The following LTBP1 variants were observed in gnomAD, a reference collection of about 807,000 sequenced individuals.
LTBP1 encodes latent transforming growth factor beta binding protein 1.
In LTBP1, 129 loss-of-function variants were observed where a neutral mutation model predicts 207.6. That is an observed-to-expected ratio of 0.62 (90% CI 0.54 to 0.72). The LOEUF (loss-of-function observed/expected upper bound fraction) is 0.72, where lower values mean the gene tolerates loss of function less well. Among genes scored for constraint, LTBP1 ranks in the 30% least tolerant of loss-of-function variants. The pLI, the probability that LTBP1 is intolerant of heterozygous loss-of-function variation, is 0.00. For missense variants in LTBP1, 2,281 were observed against 2,217.2 expected, an observed-to-expected ratio of 1.03 and a Z score of -0.58; for synonymous variants, 963 against 833.7, an observed-to-expected ratio of 1.16 and a Z score of -2.67.
chr2:33,341,031 A>G (rs2094612332), intron 24 of LTBP1, among the ~76,000 whole-genome samples: 1 of 152,138 alleles, frequency 6.6e-6, no homozygotes, highest in Non-Finnish European at 1.5e-5. Context: ...TTTGAACATA[A>G]AAGTACAATC....
At chr2:33,201,244 T>C (rs1421043482) in intron 7 of LTBP1, among the ~76,000 whole-genome samples, 1 of 152,042 alleles carries the variant, frequency 6.6e-6, no homozygotes, top group East Asian at 1.9e-4. Context: ...CCAACAATGA[T>C]AGACTGGATT....
In LTBP1 at chr2:32,947,428, G is replaced by T. The variant is rs1314794113; in HGVS notation, c.104G>T (p.Gly35Val). 2.5e-5 allele frequency: 36 copies of T among 1,439,780 alleles called. No homozygotes were observed. Among genetic ancestry groups the T allele is most frequent in the Non-Finnish European group, 3.1e-5 (34 of 1,099,022 alleles). 89.2% of individuals were successfully genotyped at this position (1,439,780 alleles called of 1,614,324 possible). ...LRRITYVVHP[G>V]PGLAAGALPL... ...AGGATCACCTACGTGGTGCACCCGG[G>T]CCCCGGCCTGGCAGCCGGCGCCTTG... Residue 35 changes from glycine (G) to valine (V), a missense_variant, in exon 1 of 34, where the codon GGC (glycine) becomes GTC (valine). Around this residue, in one of 3 missense-constraint regions of LTBP1, gnomAD observed 555 missense variants for 491.0 expected, o/e 1.13. Coordinates refer to ENST00000404816, the MANE Select transcript of LTBP1 (RefSeq NM_206943.4).
intron 3 of LTBP1, among the ~76,000 whole-genome samples, chr2:33,041,111 G>A (rs905063318): frequency 6.6e-6 from 1 of 152,154 alleles, no homozygotes; most frequent in African/African-American, 2.4e-5. Flanking sequence ...ACCCAAGCCT[G>A]TGTGACCTCA....
In LTBP1 at chr2:33,110,734, T is replaced by C; in HGVS notation, c.1016T>C (p.Val339Ala). The C allele has an allele frequency of 6.2e-7, 1 of 1,614,036 alleles. No individual in the cohort carries two copies. The highest frequency in any genetic ancestry group is 8.5e-7 in the Non-Finnish European group (1 of 1,179,948). ...SFPLRYVQDQ[V>A]AAPFQLSNHT... ...CCTTTAAGATATGTGCAGGATCAAG[T>C]TGCGGCACCTTTTCAGCGTGAGTAT... Residue 339 changes from valine to alanine, a missense_variant, in exon 4 of 34, where the codon GTT (valine) becomes GCT (alanine). Val to Ala is a moderately conservative substitution (Grantham distance 64). Around this residue, in one of 3 missense-constraint regions of LTBP1, gnomAD observed 555 missense variants for 491.0 expected, o/e 1.13. Coordinates refer to ENST00000404816, the MANE Select transcript of LTBP1 (RefSeq NM_206943.4).
chr2:33,178,298 A>G (rs997031831), intron 5 of LTBP1, among the ~76,000 whole-genome samples: 1 of 152,174 alleles, frequency 6.6e-6, no homozygotes, highest in Non-Finnish European at 1.5e-5. Context: ...ATTTTATGAC[A>G]TGCCTAATAT....
intron 15 of LTBP1, among the ~76,000 whole-genome samples, chr2:33,265,103 AC>A (rs1025930965): frequency 2.0e-5 from 3 of 152,132 alleles, no homozygotes; most frequent in African/African-American, 7.2e-5. Flanking sequence ...CAGATAGGAT[AC>A]CCACCCACGC....
At chr2:33,135,843 C>T (rs1333397547) in intron 5 of LTBP1, among the ~76,000 whole-genome samples, 1 of 152,114 alleles carries the variant, frequency 6.6e-6, no homozygotes, top group East Asian at 1.9e-4. Flanking sequence ...CTCAAATAAT[C>T]GCAGACACCC....
intron 3 of LTBP1, among the ~76,000 whole-genome samples, chr2:33,043,240 G>C (rs1329263147): frequency 6.6e-6 from 1 of 152,088 alleles, no homozygotes; most frequent in Non-Finnish European, 1.5e-5. Flanking sequence ...ATTGAGCCCA[G>C]AGCCTTTTCA....
chr2:32,947,529 G>C lies in LTBP1; in HGVS notation c.205G>C (p.Ala69Pro), dbSNP rs959419457. ...CAGGTACAGCCGCAGCTCGGCGGCT[G>C]CCGGCGCCCCCAGCCGTGCCTCCCC... The part of the protein sequence containing the change: ...NARYSRSSAA[A>P]GAPSRASPGV... The change falls in exon 1 of 34, where the codon GCC becomes CCC. Residue 69 changes from alanine (A) to proline (P), a missense_variant. Around this residue, in one of 3 missense-constraint regions of LTBP1, gnomAD observed 555 missense variants for 491.0 expected, o/e 1.13. Coordinates refer to ENST00000404816, the MANE Select transcript of LTBP1 (RefSeq NM_206943.4). 146 of 1,398,528 alleles carry C rather than the reference G, an allele frequency of 1.0e-4. No homozygotes were observed. The highest frequency in any genetic ancestry group is 9.5e-5 in the Non-Finnish European group (102 of 1,078,058). The allele number at this position is 1,398,528 out of a possible 1,614,324, so 86.6% of individuals were successfully genotyped here. A position where few individuals can be genotyped will look rare whatever the true frequency, so the allele number is the denominator to read the frequency against.
At chr2:33,054,070 A>C (rs1392326813) in intron 3 of LTBP1, among the ~76,000 whole-genome samples, 1 of 152,188 alleles carries the variant, frequency 6.6e-6, no homozygotes, top group African/African-American at 2.4e-5. Flanking sequence ...AGGACAATAC[A>C]GAAGAAGGAT....
chr2:33,033,193 T>C (rs1471946404), intron 3 of LTBP1, among the ~76,000 whole-genome samples: 1 of 152,026 alleles, frequency 6.6e-6, no homozygotes, highest in African/African-American at 2.4e-5. Context: ...CTGGAATGTT[T>C]CTTCCATCAT....
At chr2:33,140,626 G>A (rs2082570082) in intron 5 of LTBP1, among the ~76,000 whole-genome samples, 1 of 151,254 alleles carries the variant, frequency 6.6e-6, no homozygotes, top group African/African-American at 2.4e-5. Context: ...ATGTCATAAT[G>A]TAGAGCATTT....
chr2:33,198,679 T>C (rs2149034685), intron 7 of LTBP1, among the ~76,000 whole-genome samples: 1 of 152,364 alleles, frequency 6.6e-6, no homozygotes, highest in East Asian at 1.9e-4. Flanking sequence ...TTCTAGTGTA[T>C]TAGCGTAGAG....
At chr2:33,014,732 A>G (rs1688133356) in intron 2 of LTBP1, among the ~76,000 whole-genome samples, 1 of 152,252 alleles carries the variant, frequency 6.6e-6, no homozygotes, top group Non-Finnish European at 1.5e-5. Context: ...GAACTTTTAA[A>G]GAACTCTAGG....
intron 4 of LTBP1, among the ~76,000 whole-genome samples, chr2:33,128,668 C>G (rs1337485039): frequency 1.3e-5 from 2 of 152,192 alleles, no homozygotes; most frequent in Non-Finnish European, 2.9e-5. Context: ...CTCTCTAGTT[C>G]CCAAAAACCC....
At chr2:33,153,708 TG>T (rs2083723869) in intron 5 of LTBP1, among the ~76,000 whole-genome samples, 1 of 152,246 alleles carries the variant, frequency 6.6e-6, no homozygotes, top group South Asian at 2.1e-4. Context: ...TGCCAATTCC[TG>T]GTAAATTCTA....
intron 7 of LTBP1, among the ~76,000 whole-genome samples, chr2:33,212,601 G>T (rs891493458): frequency 3.9e-5 from 6 of 152,152 alleles, no homozygotes; most frequent in Non-Finnish European, 5.9e-5. Flanking sequence ...GGTTTCCATG[G>T]TCAGCTCCTA....
rs563370969 is a variant in LTBP1 at position 33,167,943 on chromosome 2, A to G, written c.1202-18913A>G. On this transcript the variant is annotated intron_variant, in intron 5 of 33. Coordinates refer to ENST00000404816, the MANE Select transcript of LTBP1 (RefSeq NM_206943.4). ...ATTGATGGGTGTGGTTTTCAGTTCA[A>G]ATGAGTCTGTATCTTAGAGGGAATG... Among the ~76,000 whole-genome samples, 7 of 152,308 alleles carry G rather than the reference A, an allele frequency of 4.6e-5. No homozygotes were observed. In the South Asian group the frequency reaches 6.2e-4, roughly 14 times the overall value.
intron 3 of LTBP1, among the ~76,000 whole-genome samples, chr2:33,098,795 A>G (rs2079544081): frequency 6.6e-6 from 1 of 152,174 alleles, no homozygotes; most frequent in Non-Finnish European, 1.5e-5. Context: ...TCAAACTTGC[A>G]TTATTTGCTT....
Sources: gnomAD v4.1 joint callset for allele counts (sites outside exome capture counted in the v4.1 genomes callset) on GRCh38, gnomAD v4.1.1 for gene constraint, gnomAD v4.1.1 regional missense constraint, MANE v1.5 for transcripts, NCBI Gene and HGNC (gene_info 2026-07-23, HGNC 2026-07-21) for gene names.